The following IAH1 variants were observed in gnomAD, a reference collection of about 807,000 sequenced individuals.
The protein encoded by IAH1 is isoamyl acetate hydrolyzing esterase 1 (putative), also known as isoamyl acetate-hydrolyzing esterase 1 homolog.
In IAH1, 24 loss-of-function variants were observed where a neutral mutation model predicts 26.7. The ratio of observed to expected loss-of-function variants is 0.90; its 90% CI spans 0.65 to 1.26. The LOEUF (loss-of-function observed/expected upper bound fraction) is 1.26, where lower values mean the gene tolerates loss of function less well. IAH1 is among the 50% of genes most tolerant of loss of function. The pLI is 0.00. For missense variants in IAH1, 300 were observed against 299.9 expected (o/e 1.00, Z 0.00); for synonymous variants, 140 against 118.5 (o/e 1.18, Z -1.18).
chr2:9,504,379 A>G, the IAH1 span, among the ~76,000 whole-genome samples: 1 of 152,114 alleles, frequency 6.6e-6, no homozygotes. Flanking sequence ...TGGGAGGCGG[A>G]GATTGCAGTG....
chr2:9,492,074 C>G (rs1662202076), downstream of IAH1, among the ~76,000 whole-genome samples: 1 of 152,194 alleles, frequency 6.6e-6, no homozygotes. Context: ...GAGATGGCCC[C>G]TAGGCAGGAG....
chr2:9,495,927 T>C (rs1396804825), intron 6 of IAH1, among the ~76,000 whole-genome samples: 4 of 150,446 alleles, frequency 2.7e-5, no homozygotes, highest in Admixed American at 2.7e-4. Flanking sequence ...AAACAACTCC[T>C]GAGCTCAAGT....
Position 9,487,840 on chromosome 2 carries a change from G to GCA in IAH1, c.565-306_565-305insAC, listed in dbSNP as rs1411613463. On this transcript the variant is annotated intron_variant, in intron 5 of 5. Transcript: ENST00000497473. ...TGTGTGTGTGTGTGTGTGTGCGCGC[G>GCA]CGCGCGCGCGCTGTGGGGGGAGACA... Among the ~76,000 whole-genome samples, 115 of 63,608 alleles carry GCA rather than the reference G, an allele frequency of 1.8e-3. 1 individual carries two copies. Among genetic ancestry groups the GCA allele is most frequent in the Admixed American group, 7.0e-3 (49 of 7,016 alleles). The allele number at this position is 63,608 out of a possible 152,430, so 41.7% of individuals were successfully genotyped here. A position where few individuals can be genotyped will look rare whatever the true frequency, so the allele number is the denominator to read the frequency against.
intron 5 of IAH1, among the ~76,000 whole-genome samples, chr2:9,487,836 G>A (rs1300892022): frequency 3.6e-5 from 2 of 55,122 alleles, no homozygotes. Flanking sequence ...GTGTGTGTGC[G>A]CGCGCGCGCG....
At chr2:9,478,912 C>T (rs1282274507) in intron 3 of IAH1, among the ~76,000 whole-genome samples, 3 of 152,174 alleles carry the variant, frequency 2.0e-5, no homozygotes, top group South Asian at 4.1e-4. Flanking sequence ...TTGAAAAAAG[C>T]CTTCTGCGTG....
chr2:9,476,593 TGGGTA>T (rs1289180077), intron 2 of IAH1, among the ~76,000 whole-genome samples: 1 of 152,102 alleles, frequency 6.6e-6, no homozygotes, highest in African/African-American at 2.4e-5. Context: ...CAAAGGGAGA[TGGGTA>T]GGGCAGTACT....
chr2:9,494,893 G>C, intron 6 of IAH1: 1 of 1,196,368 alleles, frequency 8.4e-7, no homozygotes, highest in Non-Finnish European at 1.2e-6. Flanking sequence ...TATTTAAATA[G>C]CTAATACTAT....
At chr2:9,510,003 C>A in the IAH1 span, 1 of 1,614,052 alleles carries the variant, frequency 6.2e-7, no homozygotes, top group Non-Finnish European at 8.5e-7. Flanking sequence ...GATCGCCACT[C>A]ACAGCTATGG....
At chr2:9,511,927 G>A in the IAH1 span, among the ~76,000 whole-genome samples, 1 of 151,846 alleles carries the variant, frequency 6.6e-6, no homozygotes, top group Non-Finnish European at 1.5e-5. Flanking sequence ...GCCGAGATAG[G>A]CCACTGAACC....
At chr2:9,491,061 A>G (rs1229964217), downstream of IAH1, 3 of 1,584,992 alleles carry the variant, frequency 1.9e-6, no homozygotes, top group Non-Finnish European at 2.6e-6. Flanking sequence ...AGGGCCTCAG[A>G]CCAGGCGAAG....
chr2:9,483,272 T>C (rs868165521), intron 4 of IAH1, among the ~76,000 whole-genome samples: 1 of 151,778 alleles, frequency 6.6e-6, no homozygotes, highest in Non-Finnish European at 1.5e-5. Flanking sequence ...TGAGATGGTC[T>C]TGCTGTGTCA....
At chr2:9,482,724 C>T (rs556014584) in intron 4 of IAH1, among the ~76,000 whole-genome samples, 1 of 152,306 alleles carries the variant, frequency 6.6e-6, no homozygotes, top group South Asian at 2.1e-4. Context: ...GCCTGTCATC[C>T]TTAGAGAAGG....
chr2:9,483,691 C>T (rs1234176021), intron 4 of IAH1, among the ~76,000 whole-genome samples: 1 of 152,144 alleles, frequency 6.6e-6, no homozygotes, highest in Admixed American at 6.5e-5. Flanking sequence ...TCCAAACCAA[C>T]CTAGCACAAT....
chr2:9,496,549 TC>T (rs1662617099), downstream of IAH1: 1 of 152,708 alleles, frequency 6.5e-6, no homozygotes, highest in South Asian at 2.1e-4. Context: ...ACCCAGGGGT[TC>T]CAAAATAGCA....
chr2:9,490,021 C>T (rs1449934192), downstream of IAH1: 2 of 675,544 alleles, frequency 3.0e-6, no homozygotes, highest in Non-Finnish European at 2.4e-6. Flanking sequence ...AAGGGCCAAA[C>T]CACACAAGAA....
At chr2:9,504,069 T>C in the IAH1 span, among the ~76,000 whole-genome samples, 1 of 152,024 alleles carries the variant, frequency 6.6e-6, no homozygotes, top group Admixed American at 6.6e-5. Flanking sequence ...AAGGACTGAT[T>C]GAGCCTGGGA....
At chr2:9,490,821 G>A (rs1170368959), downstream of IAH1, among the ~76,000 whole-genome samples, 4 of 152,206 alleles carry the variant, frequency 2.6e-5, no homozygotes, top group Non-Finnish European at 5.9e-5. Context: ...GATCCCAAGA[G>A]AGAAATTGAA....
At chr2:9,475,819 A>C (rs535635263) in intron 1 of IAH1, 168 bp from the exon 2 acceptor site, 1 of 628,898 alleles carries the variant, frequency 1.6e-6, no homozygotes, top group African/African-American at 1.8e-5. Flanking sequence ...CCTCTGCTAA[A>C]GTGCTGCCAG....
downstream of IAH1, chr2:9,490,116 T>TTGA (rs1661996092): frequency 1.3e-5 from 4 of 301,792 alleles, no homozygotes; most frequent in Non-Finnish European, 2.3e-5. Flanking sequence ...CTGTGATTGA[T>TTGA]TTGTAGGTCA....
Sources: gnomAD v4.1 joint callset for allele counts (sites outside exome capture counted in the v4.1 genomes callset) on GRCh38, gnomAD v4.1.1 for gene constraint, MANE v1.5 for transcripts, NCBI Gene and HGNC (gene_info 2026-07-23, HGNC 2026-07-21) for gene names.